The following OARD1 variants were observed in gnomAD, a reference collection of about 807,000 sequenced individuals.
OARD1 encodes the protein ADP-ribose glycohydrolase OARD1.
OARD1 carries 19 observed loss-of-function variants against 19.7 expected under a neutral mutation model. The observed-to-expected ratio is 0.96, with a 90% CI of 0.67 to 1.41. The LOEUF is 1.41. OARD1 is among the 40% of genes most tolerant of loss of function. OARD1 has a pLI of 0.00. For missense variants in OARD1, 190 were observed against 183.8 expected (o/e 1.03, Z -0.20); for synonymous variants, 70 against 61.8 (o/e 1.13, Z -0.62).
At position 41,068,843 on chromosome 6, in the gene OARD1, G is replaced by C; in HGVS notation, c.354C>G (p.Pro118=). Residue 118 remains proline (P), a splice_region_variant and synonymous_variant, in exon 5 of 6, where the codon CCC becomes CCG. Transcript: ENST00000424266. ...LKNGVTDLSM[P]RIGCGLDRLQ... is the part of the protein sequence containing the mutation. ...TTTAGGACCATGGATTTCCTTGCCTGGGCATGGAGAGGTCAGTGACTCCAT... is the reference window on the plus strand; with the variant it reads ...TTTAGGACCATGGATTTCCTTGCCTCGGCATGGAGAGGTCAGTGACTCCAT... 1 of 1,504,446 alleles carries C rather than the reference G, an allele frequency of 6.6e-7. No homozygotes were observed. The highest frequency in any genetic ancestry group is 9.2e-7 in the Non-Finnish European group (1 of 1,090,328). The allele number at this position is 1,504,446 out of a possible 1,614,324, so 93.2% of individuals were successfully genotyped here.
chr6:41,093,854 T>C (rs6912013), intron 1 of OARD1, among the ~76,000 whole-genome samples: 17,757 of 152,180 alleles, frequency 0.12, 2,625 homozygotes, highest in African/African-American at 0.35. Flanking sequence ...ACACCTAACA[T>C]GCAGATAAGG....
intron 1 of OARD1, among the ~76,000 whole-genome samples, chr6:41,094,150 T>G (rs967780519): frequency 1.3e-5 from 2 of 152,206 alleles, no homozygotes; most frequent in African/African-American, 4.8e-5. Context: ...TAGGTGGTAG[T>G]CTGTTATTTT....
chr6:41,070,251 A>G (rs947619200), intron 3 of OARD1, 117 bp from the exon 4 acceptor site: 14 of 668,114 alleles, frequency 2.1e-5, no homozygotes, highest in Admixed American at 7.8e-5. Flanking sequence ...TCAACACTGA[A>G]GAAGGGAATA....
rs185974893 is a variant in OARD1, at chr6:41,083,362, A to G, written c.-41-11687T>C. ...TAACCATGTGGATATTATAGAGGCC[A>G]GTGAGGAATTCCACCATGGAGACTG... On this transcript the variant is annotated intron_variant, in intron 1 of 4. Coordinates refer to the OARD1 transcript ENST00000480585. Among the ~76,000 whole-genome samples the G allele has an allele frequency of 3.6e-3, 545 of 152,354 alleles. 3 individuals carry two copies. The highest frequency in any genetic ancestry group is 0.012 in the African/African-American group (518 of 41,584).
At chr6:41,084,823 G>A (rs570089502) in intron 1 of OARD1, among the ~76,000 whole-genome samples, 24 of 152,312 alleles carry the variant, frequency 1.6e-4, no homozygotes, top group African/African-American at 4.6e-4. Flanking sequence ...TTAGCCGGGC[G>A]TGGTGGCACG....
intron 1 of OARD1, chr6:41,093,177 C>T: frequency 8.8e-7 from 1 of 1,141,104 alleles, no homozygotes; most frequent in Non-Finnish European, 1.2e-6. Context: ...TCTCACGTAC[C>T]TTCCAAACAA....
rs1387984652 is a variant in OARD1 at position 41,072,295 on chromosome 6, G to A, written c.-101C>T. 1 of 152,532 alleles carries A rather than the reference G, an allele frequency of 6.6e-6. No individual in the cohort carries two copies. Among genetic ancestry groups the A allele is most frequent in the African/African-American group, 2.4e-5 (1 of 41,592 alleles). 9.4% of individuals were successfully genotyped at this position (152,532 alleles called of 1,614,324 possible). On this transcript the variant is annotated 5_prime_UTR_variant, in exon 1 of 6. Coordinates refer to ENST00000424266, the MANE Select transcript of OARD1 (RefSeq NM_001329686.2). ...GGGGTCCTATGGGAGGGTGCGGGGA[G>A]GCTCGCTCAAAGCCCCAACGTACCC...
upstream of OARD1, among the ~76,000 whole-genome samples, chr6:41,076,238 T>C (rs1386224218): frequency 1.3e-5 from 2 of 152,170 alleles, no homozygotes; most frequent in Non-Finnish European, 2.9e-5. Flanking sequence ...GGAGACCCCC[T>C]CTCTTAAAAG....
At chr6:41,089,598 G>A in intron 1 of OARD1, 1 of 1,612,386 alleles carries the variant, frequency 6.2e-7, no homozygotes, top group Non-Finnish European at 8.5e-7. Context: ...GTCCCACCTG[G>A]ACAGATCCAG....
chr6:41,089,554 C>A (rs753764124), intron 1 of OARD1: 3 of 1,590,672 alleles, frequency 1.9e-6, no homozygotes, highest in South Asian at 2.3e-5. Context: ...AGAGTACAAT[C>A]CTTTTTTTAT....
In OARD1 at chr6:41,071,206, T is replaced by C. The variant is rs1330841214; in HGVS notation, c.110A>G (p.Asp37Gly). The C allele has an allele frequency of 6.2e-7, 1 of 1,614,126 alleles. No homozygotes were observed. Among genetic ancestry groups the C allele is most frequent in the Non-Finnish European group, 8.5e-7 (1 of 1,179,952 alleles). ...AGCTATCCCAGCGCCCATGCGACAATCCTCACTGATACAGTGGGCTAAAGA... is the reference window on the plus strand; with the variant it reads ...AGCTATCCCAGCGCCCATGCGACAACCCTCACTGATACAGTGGGCTAAAGA... Reference protein sequence around the residue: ...TDSLAHCISEDCRMGAGIAVL... With the variant: ...TDSLAHCISEGCRMGAGIAVL... The change falls in exon 3 of 6, where the codon GAT becomes GGT. Residue 37 changes from aspartate (D) to glycine (G), a missense_variant. Coordinates refer to ENST00000424266, the MANE Select transcript of OARD1 (RefSeq NM_001329686.2).
chr6:41,071,214 G>A lies in OARD1; in HGVS notation c.102C>T (p.Ile34=). 1 of 1,614,006 alleles carries A rather than the reference G, an allele frequency of 6.2e-7. No homozygotes were observed. The highest frequency in any genetic ancestry group is 2.2e-5 in the East Asian group (1 of 44,886). ...CAGCGCCCATGCGACAATCCTCACT[G>A]ATACAGTGGGCTAAAGAGTCTGTTT... ...CPKTDSLAHC[I]SEDCRMGAGI... Residue 34 remains isoleucine (I), a synonymous_variant, in exon 3 of 6, where the codon ATC becomes ATT. Coordinates refer to ENST00000424266, the MANE Select transcript of OARD1 (RefSeq NM_001329686.2).
chr6:41,080,860 C>T, intron 1 of OARD1: 1 of 1,614,032 alleles, frequency 6.2e-7, no homozygotes, highest in Non-Finnish European at 8.5e-7. Context: ...GCCCAGGTGG[C>T]ATCCGCCTCA....
chr6:41,093,134 T>C, intron 1 of OARD1: 1 of 1,531,312 alleles, frequency 6.5e-7, no homozygotes, highest in South Asian at 1.2e-5. Flanking sequence ...AGCAGGGTTC[T>C]ACTTTTGAAA....
chr6:41,083,988 G>T, intron 1 of OARD1: 1 of 1,488,714 alleles, frequency 6.7e-7, no homozygotes. Context: ...ATTGTCTTTT[G>T]GTAAAAACCA....
chr6:41,086,783 CAT>C (rs1424823980), intron 1 of OARD1, among the ~76,000 whole-genome samples: 1 of 152,106 alleles, frequency 6.6e-6, no homozygotes, highest in African/African-American at 2.4e-5. Context: ...GTGGTATAAA[CAT>C]ATCAATGAAG....
rs138532562 is a variant in OARD1, at chr6:41,096,907, C to T, written c.-42+806G>A. ...CTGGCCTTCAGATTTATCTGTAAAA[C>T]GAGTACATTAAAGTGTATAGATTCT... is the stretch of plus-strand genomic sequence containing the variant. On this transcript the variant is annotated intron_variant, in intron 1 of 4. Coordinates refer to the OARD1 transcript ENST00000480585. 2.0e-3 allele frequency among the ~76,000 whole-genome samples: 300 copies of T among 152,308 alleles called. 6 individuals are homozygous for T. The highest frequency in any genetic ancestry group is 0.015 in the Admixed American group (236 of 15,296).
At chr6:41,090,632 C>T (rs1250779741) in intron 1 of OARD1, among the ~76,000 whole-genome samples, 4 of 152,134 alleles carry the variant, frequency 2.6e-5, no homozygotes, top group Non-Finnish European at 5.9e-5. Context: ...ATCAAGTTGG[C>T]TTTAGAGTGC....
upstream of OARD1, among the ~76,000 whole-genome samples, chr6:41,074,851 T>A (rs2268188): frequency 2.6e-5 from 4 of 152,004 alleles, no homozygotes; most frequent in African/African-American, 9.7e-5. Context: ...TCTTTGGGGA[T>A]GAAGAGGAGA....
Sources: allele counts gnomAD v4.1 joint callset (sites outside exome capture counted in the v4.1 genomes callset), GRCh38; gene constraint gnomAD v4.1.1; transcripts MANE v1.5; gene names NCBI Gene and HGNC (gene_info 2026-07-23, HGNC 2026-07-21).